Variants in LEPR observed in about 807,000 individuals in gnomAD.
LEPR encodes the protein leptin receptor, also known as OB receptor.
In LEPR, 56 loss-of-function variants were observed where a neutral mutation model predicts 114.7. The ratio of observed to expected loss-of-function variants is 0.49; its 90% CI spans 0.39 to 0.61. LEPR has a LOEUF of 0.61. Among genes scored for constraint, LEPR ranks in the 20% least tolerant of loss-of-function variants. The probability of loss-of-function intolerance (pLI) is 0.00; values close to 1 mark genes in which losing one functional copy is unlikely to be tolerated. For synonymous variants in LEPR, 443 were observed against 461.4 expected, an observed-to-expected ratio of 0.96 and a Z score of 0.51; for missense variants, 1,202 against 1,352.9, an observed-to-expected ratio of 0.89 and a Z score of 1.75.
At chr1:65,552,504 T>C (rs1173061918) in intron 2 of LEPR, among the ~76,000 whole-genome samples, 1 of 152,190 alleles carries the variant, frequency 6.6e-6, no homozygotes, top group Non-Finnish European at 1.5e-5. Context: ...AAAGTCTGTT[T>C]TATCGGAGAC....
intron 2 of LEPR, among the ~76,000 whole-genome samples, chr1:65,427,141 G>A (rs764183395): frequency 1.4e-4 from 21 of 152,178 alleles, no homozygotes; most frequent in South Asian, 4.1e-4. Flanking sequence ...AGATATAAGC[G>A]GTCACTTATA....
intron 11 of LEPR, 113 bp from the exon 12 acceptor site, chr1:65,608,640 T>A: frequency 8.4e-7 from 1 of 1,185,826 alleles, no homozygotes; most frequent in East Asian, 2.6e-5. Flanking sequence ...GTGAGAAAGT[T>A]ATGAAGAAGA....
intron 2 of LEPR, chr1:65,432,147 T>A (rs897785015): frequency 2.5e-6 from 3 of 1,209,070 alleles, no homozygotes; most frequent in Admixed American, 4.2e-5. Context: ...CTTGTTTGGC[T>A]GTTCATGTAG....
intron 5 of LEPR, among the ~76,000 whole-genome samples, chr1:65,581,636 C>A (rs183593177): frequency 1.3e-5 from 2 of 152,232 alleles, no homozygotes; most frequent in East Asian, 3.9e-4. Context: ...TCTCTTTGAT[C>A]TTTGCTCAGA....
chr1:65,506,351 A>T (rs1648727795), intron 2 of LEPR, among the ~76,000 whole-genome samples: 1 of 152,264 alleles, frequency 6.6e-6, no homozygotes, highest in East Asian at 1.9e-4. Context: ...CCACTGACAC[A>T]GAAGGAGATT....
Position 65,629,694 on chromosome 1 carries a change from T to G in LEPR, c.2674-6497T>G, listed in dbSNP as rs185866133. 3.3e-5 allele frequency among the ~76,000 whole-genome samples: 5 copies of G among 151,862 alleles called. No homozygotes were observed. The East Asian group carries it at 9.7e-4, about 29-fold the overall frequency. On this transcript the variant is annotated intron_variant, in intron 19 of 19. Coordinates refer to ENST00000349533, the MANE Select transcript of LEPR (RefSeq NM_002303.6). The stretch of plus-strand genomic sequence containing the variant: ...CCCTCCCTCTCTTTCTTTCTTTTCA[T>G]GCTGTCTTTCTTTCTCCTTCCCCTT...
At chr1:65,481,587 A>G (rs1002518913) in intron 2 of LEPR, among the ~76,000 whole-genome samples, 4 of 152,232 alleles carry the variant, frequency 2.6e-5, no homozygotes, top group African/African-American at 9.6e-5. Flanking sequence ...ATTTCATTCT[A>G]AAAGTGGATT....
intron 17 of LEPR, among the ~76,000 whole-genome samples, chr1:65,620,581 A>T (rs747607921): frequency 2.8e-4 from 43 of 152,194 alleles, no homozygotes; most frequent in African/African-American, 9.6e-4. Flanking sequence ...AAGGGATGGC[A>T]TTAAATGTGG....
At chr1:65,540,237 T>A (rs1273759476) in intron 2 of LEPR, among the ~76,000 whole-genome samples, 1 of 152,218 alleles carries the variant, frequency 6.6e-6, no homozygotes. Flanking sequence ...ATTCTCCAAA[T>A]ATCCTATGTA....
intron 15 of LEPR, 57 bp downstream of exon 15, chr1:65,616,281 A>G: frequency 1.3e-6 from 2 of 1,543,246 alleles, no homozygotes; most frequent in Non-Finnish European, 1.8e-6. Context: ...AACTTTTGCA[A>G]ACTCTCCTAT....
At chr1:65,455,179 T>C (rs1185534724) in intron 2 of LEPR, among the ~76,000 whole-genome samples, 1 of 152,220 alleles carries the variant, frequency 6.6e-6, no homozygotes, top group East Asian at 1.9e-4. Flanking sequence ...TAGTTATGCA[T>C]TCTTCTAAAC....
intron 2 of LEPR, chr1:65,430,171 T>G: frequency 1.2e-6 from 1 of 846,798 alleles, no homozygotes; most frequent in Non-Finnish European, 1.7e-6. Flanking sequence ...TGTTTTTAGT[T>G]TCTCTGTTCC....
intron 1 of LEPR, chr1:65,421,425 C>T: frequency 6.5e-7 from 1 of 1,536,022 alleles, no homozygotes; most frequent in Non-Finnish European, 8.7e-7. Flanking sequence ...CAATGCGAGA[C>T]GGAAAAGGTT....
intron 2 of LEPR, among the ~76,000 whole-genome samples, chr1:65,451,275 A>C (rs1646781126): frequency 6.6e-6 from 1 of 151,806 alleles, no homozygotes; most frequent in African/African-American, 2.4e-5. Flanking sequence ...GAAGCTCTTT[A>C]GTTTAATTAG....
intron 2 of LEPR, among the ~76,000 whole-genome samples, chr1:65,481,361 A>AC (rs1647231982): frequency 2.0e-5 from 3 of 151,856 alleles, no homozygotes; most frequent in South Asian, 4.2e-4. Context: ...GGGAAAAAAA[A>AC]CCCACAACTT....
intron 19 of LEPR, chr1:65,635,297 A>G (rs77662357): frequency 1.2e-6 from 1 of 824,504 alleles, no homozygotes; most frequent in Non-Finnish European, 1.5e-6. Flanking sequence ...AGCTTTTTTT[A>G]TTTTGCATTT....
chr1:65,424,242 T>A (rs555774254), intron 1 of LEPR, among the ~76,000 whole-genome samples: 1 of 152,316 alleles, frequency 6.6e-6, no homozygotes, highest in Non-Finnish European at 1.5e-5. Flanking sequence ...TGCACACTAG[T>A]TGGGAATTGT....
chr1:65,542,054 G>A (rs953189334), intron 2 of LEPR, among the ~76,000 whole-genome samples: 29 of 152,288 alleles, frequency 1.9e-4, no homozygotes, highest in African/African-American at 7.0e-4. Context: ...TGCTTATTCA[G>A]TAGAATATAG....
At chr1:65,480,262 C>T (rs915795024) in intron 2 of LEPR, among the ~76,000 whole-genome samples, 19 of 152,140 alleles carry the variant, frequency 1.2e-4, no homozygotes, top group East Asian at 9.6e-4. Flanking sequence ...AAAGAAAAAC[C>T]GTATCGAGAT....
Sources: allele counts gnomAD v4.1 joint callset (sites outside exome capture counted in the v4.1 genomes callset), GRCh38; gene constraint gnomAD v4.1.1; transcripts MANE v1.5; gene names NCBI Gene and HGNC (gene_info 2026-07-23, HGNC 2026-07-21).